Variants in ULK4 observed in about 807,000 individuals in gnomAD.
ULK4 encodes inactive serine/threonine-protein kinase ULK4.
ULK4 carries 133 observed loss-of-function variants against 160.6 expected under a neutral mutation model. The ratio of observed to expected loss-of-function variants is 0.83; its 90% CI spans 0.72 to 0.96. ULK4 has a LOEUF of 0.96. Among genes scored for constraint, ULK4 ranks in the 40% least tolerant of loss-of-function variants. The pLI, the probability that ULK4 is intolerant of heterozygous loss-of-function variation, is 0.00. For missense variants in ULK4, 1,580 were observed against 1,499.5 expected (o/e 1.05, Z -0.89); for synonymous variants, 534 against 539.8 (o/e 0.99, Z 0.15).
At chr3:41,303,997 G>GTGA (rs1191624354) in intron 35 of ULK4, among the ~76,000 whole-genome samples, 1 of 152,144 alleles carries the variant, frequency 6.6e-6, no homozygotes, top group Non-Finnish European at 1.5e-5. Context: ...CAGGGCAGGT[G>GTGA]TGATGGCTCA....
chr3:41,247,800 G>A (rs2078672754), intron 36 of ULK4, among the ~76,000 whole-genome samples: 1 of 152,228 alleles, frequency 6.6e-6, no homozygotes, highest in African/African-American at 2.4e-5. Flanking sequence ...GCACACAGCA[G>A]GCCCAGTGAG....
chr3:41,839,473 AT>A (rs1345111563), intron 17 of ULK4, among the ~76,000 whole-genome samples: 1 of 149,680 alleles, frequency 6.7e-6, no homozygotes, highest in Non-Finnish European at 1.5e-5. Context: ...TGCTAATTAA[AT>A]TTTTTATTTC....
chr3:41,797,768 C>T (rs959445105), intron 20 of ULK4, among the ~76,000 whole-genome samples: 1 of 151,626 alleles, frequency 6.6e-6, no homozygotes, highest in Non-Finnish European at 1.5e-5. Context: ...GGCTGAGGCA[C>T]AAGAATCGCC....
intron 34 of ULK4, among the ~76,000 whole-genome samples, chr3:41,399,164 G>C (rs879367813): frequency 1.3e-5 from 2 of 152,104 alleles, no homozygotes; most frequent in Non-Finnish European, 2.9e-5. Flanking sequence ...ACTAACACTT[G>C]TTATTATCTG....
chr3:41,770,465 C>T (rs2039315270), intron 21 of ULK4, among the ~76,000 whole-genome samples: 2 of 151,644 alleles, frequency 1.3e-5, no homozygotes, highest in South Asian at 4.2e-4. Context: ...TATAGGATTA[C>T]TACCAAAAAT....
intron 30 of ULK4, among the ~76,000 whole-genome samples, chr3:41,663,046 C>T (rs1175561688): frequency 1.3e-5 from 2 of 151,882 alleles, no homozygotes; most frequent in Admixed American, 1.3e-4. Context: ...CATGGTGAAA[C>T]CCCATCTCTA....
chr3:41,554,948 G>A (rs901260278), intron 32 of ULK4, among the ~76,000 whole-genome samples: 3 of 151,994 alleles, frequency 2.0e-5, no homozygotes, highest in Non-Finnish European at 2.9e-5. Context: ...CACCAAAACT[G>A]AAATATATAT....
chr3:41,475,227 A>G (rs2084104477), intron 32 of ULK4, among the ~76,000 whole-genome samples: 1 of 152,356 alleles, frequency 6.6e-6, no homozygotes, highest in South Asian at 2.1e-4. Context: ...GCTATGTGAA[A>G]TAAACCAGAC....
chr3:41,760,189 T>C (rs1270364774), intron 21 of ULK4, among the ~76,000 whole-genome samples: 1 of 152,126 alleles, frequency 6.6e-6, no homozygotes, highest in Non-Finnish European at 1.5e-5. Flanking sequence ...ATGCTCAATA[T>C]CATAATCATT....
At chr3:41,684,326 G>A (rs2036028032) in intron 27 of ULK4, among the ~76,000 whole-genome samples, 1 of 152,206 alleles carries the variant, frequency 6.6e-6, no homozygotes, top group South Asian at 2.1e-4. Context: ...TTTGTCTCAA[G>A]GTCTATGACC....
chr3:41,774,067 C>T (rs1475867816), intron 21 of ULK4, among the ~76,000 whole-genome samples: 4 of 152,034 alleles, frequency 2.6e-5, no homozygotes, highest in Non-Finnish European at 2.9e-5. Context: ...ATACAAAAAT[C>T]AATTCAAGAT....
intron 35 of ULK4, among the ~76,000 whole-genome samples, chr3:41,331,607 T>C (rs2080444236): frequency 1.3e-5 from 2 of 152,236 alleles, no homozygotes; most frequent in Admixed American, 1.3e-4. Flanking sequence ...CTATATTTAT[T>C]TACACATTTT....
chr3:41,644,577 C>A (rs1261707767), intron 30 of ULK4, among the ~76,000 whole-genome samples: 1 of 152,186 alleles, frequency 6.6e-6, no homozygotes, highest in Admixed American at 6.5e-5. Flanking sequence ...TTTGGATGTG[C>A]TGCTGGATTC....
At chr3:41,699,498 CCAT>C (rs1252427075) in intron 27 of ULK4, among the ~76,000 whole-genome samples, 1 of 152,122 alleles carries the variant, frequency 6.6e-6, no homozygotes, top group African/African-American at 2.4e-5. Flanking sequence ...TCCGAAACCA[CCAT>C]GAGTGGGGAA....
At chr3:41,355,314 A>G (rs193291536) in intron 35 of ULK4, among the ~76,000 whole-genome samples, 3 of 152,274 alleles carry the variant, frequency 2.0e-5, no homozygotes, top group African/African-American at 7.2e-5. Context: ...AAGAGATACA[A>G]TCCTGGCTTG....
chr3:41,431,209 G>A (rs1438167042), intron 34 of ULK4, among the ~76,000 whole-genome samples: 3 of 151,894 alleles, frequency 2.0e-5, no homozygotes, highest in Non-Finnish European at 4.4e-5. Context: ...TTAGCTGGGC[G>A]TAGTGAGGCA....
intron 1 of ULK4, among the ~76,000 whole-genome samples, chr3:41,957,009 C>T (rs1314584782): frequency 6.6e-6 from 1 of 152,120 alleles, no homozygotes; most frequent in African/African-American, 2.4e-5. Flanking sequence ...TAAATGAGTT[C>T]GTTTTCTTGG....
intron 34 of ULK4, among the ~76,000 whole-genome samples, chr3:41,415,253 C>T (rs1282737857): frequency 6.6e-6 from 1 of 152,174 alleles, no homozygotes; most frequent in African/African-American, 2.4e-5. Flanking sequence ...ATGCTGAGTT[C>T]TGTAGAAAAG....
chr3:41,304,296 A>G (rs993477564), intron 35 of ULK4, among the ~76,000 whole-genome samples: 4 of 151,434 alleles, frequency 2.6e-5, no homozygotes, highest in African/African-American at 4.8e-5. Context: ...AAAAAGAGAC[A>G]ACATTCGAAG....
Sources: allele counts gnomAD v4.1 joint callset (sites outside exome capture counted in the v4.1 genomes callset), GRCh38; gene constraint gnomAD v4.1.1; transcripts MANE v1.5; gene names NCBI Gene and HGNC (gene_info 2026-07-23, HGNC 2026-07-21).